The following TLL1 variants were observed in gnomAD, a reference collection of about 807,000 sequenced individuals.
TLL1 encodes tolloid-like protein 1.
In TLL1, 49 loss-of-function variants were observed where a neutral mutation model predicts 128.2. That is an observed-to-expected ratio of 0.38 (90% CI 0.30 to 0.48). The LOEUF is 0.48. TLL1 is among the 20% of genes least tolerant of loss of function. The pLI, the probability that TLL1 is intolerant of heterozygous loss-of-function variation, is 0.96. For synonymous variants in TLL1, 454 were observed against 418.8 expected (o/e 1.08, Z -1.03); for missense variants, 1,123 against 1,242.0 (o/e 0.90, Z 1.44).
In TLL1 at chr4:165,928,594, A is replaced by G. The variant is rs1701565607; in HGVS notation, c.169+54521A>G. Among the ~76,000 whole-genome samples, 3 of 152,250 alleles carry G rather than the reference A, an allele frequency of 2.0e-5. No homozygotes were observed. The South Asian group carries it at 6.2e-4, about 32-fold the overall frequency. On this transcript the variant is annotated intron_variant, in intron 1 of 20. Transcript: ENST00000061240. ...ATGTTGAAAGCTTCTGTCTGTCTCG[A>G]ACATGCAGATCACTGAATAAAAATA...
At chr4:165,930,177 C>T (rs1412516162) in intron 1 of TLL1, among the ~76,000 whole-genome samples, 1 of 152,092 alleles carries the variant, frequency 6.6e-6, no homozygotes, top group Non-Finnish European at 1.5e-5. Context: ...GGTGCATTCT[C>T]CCAGAAATCA....
At chr4:165,902,478 C>G (rs1196421611) in intron 1 of TLL1, among the ~76,000 whole-genome samples, 3 of 152,140 alleles carry the variant, frequency 2.0e-5, no homozygotes, top group African/African-American at 7.2e-5. Flanking sequence ...GTATTTGAGC[C>G]AGAATGCACC....
intron 9 of TLL1, chr4:166,030,491 C>G: frequency 1.6e-6 from 1 of 616,992 alleles, no homozygotes; most frequent in South Asian, 1.9e-5. Flanking sequence ...TTCTGATGAA[C>G]ACAAATTATA....
chr4:166,017,401 C>T (rs1007059763), intron 8 of TLL1, among the ~76,000 whole-genome samples: 1 of 152,000 alleles, frequency 6.6e-6, no homozygotes, highest in East Asian at 1.9e-4. Flanking sequence ...GTGAACATAC[C>T]AGTGCATGTG....
intron 1 of TLL1, among the ~76,000 whole-genome samples, chr4:165,971,988 C>A (rs954495301): frequency 6.6e-6 from 1 of 152,096 alleles, no homozygotes; most frequent in African/African-American, 2.4e-5. Flanking sequence ...GTGTAGCCTA[C>A]GTATAAGTAG....
chr4:165,919,052 G>C (rs984868060), intron 1 of TLL1, among the ~76,000 whole-genome samples: 2 of 152,104 alleles, frequency 1.3e-5, no homozygotes, highest in Non-Finnish European at 2.9e-5. Flanking sequence ...TAATAGAATA[G>C]TTTTAGTTTC....
At chr4:165,935,217 C>G (rs1733707690) in intron 1 of TLL1, among the ~76,000 whole-genome samples, 1 of 152,162 alleles carries the variant, frequency 6.6e-6, no homozygotes, top group Non-Finnish European at 1.5e-5. Context: ...GATCAGCATC[C>G]ATGTCTTTTC....
At chr4:165,960,377 C>G (rs1054716581) in intron 1 of TLL1, among the ~76,000 whole-genome samples, 6 of 152,184 alleles carry the variant, frequency 3.9e-5, no homozygotes, top group South Asian at 2.1e-4. Context: ...CAGCCAAATT[C>G]TACCAGATGT....
intron 12 of TLL1, among the ~76,000 whole-genome samples, chr4:166,049,061 T>C (rs1739592631): frequency 6.6e-6 from 1 of 152,218 alleles, no homozygotes; most frequent in Non-Finnish European, 1.5e-5. Flanking sequence ...TTTAATTAGT[T>C]AAGGATTTTC....
chr4:165,922,844 C>T (rs1733094600), intron 1 of TLL1, among the ~76,000 whole-genome samples: 1 of 152,140 alleles, frequency 6.6e-6, no homozygotes. Context: ...AGAGCCTAAT[C>T]TTACTGAGGG....
At chr4:165,898,025 C>T (rs1180761255) in intron 1 of TLL1, among the ~76,000 whole-genome samples, 4 of 151,822 alleles carry the variant, frequency 2.6e-5, no homozygotes, top group Non-Finnish European at 5.9e-5. Context: ...ATTTGGCTCT[C>T]TGTTTGTCTG....
Position 166,077,928 on chromosome 4 carries a change from T to G in TLL1, c.2340T>G (p.Ser780Arg). The change falls in exon 18 of 21, where the codon AGT (serine) becomes AGG (arginine). Residue 780 changes from serine to arginine, a missense_variant. Ser to Arg is a moderately radical substitution (Grantham distance 110). Transcript: ENST00000061240. ...CTGAGTGTGAACAGAAGATCCACAGTCCAAGTGGCCTCATCACCAGTCCCA... is the reference window on the plus strand; with the variant it reads ...CTGAGTGTGAACAGAAGATCCACAGGCCAAGTGGCCTCATCACCAGTCCCA... ...KEAECEQKIH[S>R]PSGLITSPNW... 1 of 1,613,554 alleles carries G rather than the reference T, an allele frequency of 6.2e-7. No individual in the cohort carries two copies. Among genetic ancestry groups the G allele is most frequent in the Non-Finnish European group, 8.5e-7 (1 of 1,179,710 alleles).
intron 1 of TLL1, among the ~76,000 whole-genome samples, chr4:165,962,922 G>T (rs757652983): frequency 4.0e-5 from 6 of 151,176 alleles, no homozygotes; most frequent in African/African-American, 1.5e-4. Context: ...AGGCATGGTG[G>T]CACGTGCCTG....
At chr4:165,967,793 A>C (rs1374095989) in intron 1 of TLL1, among the ~76,000 whole-genome samples, 4 of 152,204 alleles carry the variant, frequency 2.6e-5, no homozygotes, top group Non-Finnish European at 4.4e-5. Flanking sequence ...ATTCACACTG[A>C]ATATTGGATA....
intron 7 of TLL1, among the ~76,000 whole-genome samples, chr4:166,010,104 C>T (rs75985705): frequency 0.12 from 18,643 of 151,292 alleles, 1,151 homozygotes; most frequent in Non-Finnish European, 0.13. Flanking sequence ...TTATTTCACT[C>T]AGCATTATTT....
At position 165,989,615 on chromosome 4, in the gene TLL1, T is replaced by C. The variant is rs556789144; in HGVS notation, c.280+124T>C. 4.3e-5 allele frequency: 29 copies of C among 677,412 alleles called. No individual in the cohort carries two copies. In the African/African-American group the frequency reaches 4.8e-4, roughly 11 times the overall value. 42.0% of individuals were successfully genotyped at this position (677,412 alleles called of 1,614,324 possible). ...TCAACTCTGACTTCCTATACACAAA[T>C]ATACATATTTAGAAATGCAGGTTTT... On this transcript the variant is annotated intron_variant, in intron 2 of 20. Transcript: ENST00000061240.
rs539465462 is a variant in TLL1 at position 166,027,487 on chromosome 4, G to A, written c.1158+2056G>A. ...TGGAAACTCTAAATGAAATACTCAT[G>A]TAACATAAATAATTTTTAGGTGCAA... On this transcript the variant is annotated intron_variant, in intron 9 of 20. Coordinates refer to ENST00000061240, the MANE Select transcript of TLL1 (RefSeq NM_012464.5). Among the ~76,000 whole-genome samples the A allele has an allele frequency of 4.6e-5, 7 of 152,254 alleles. No individual in the cohort carries two copies. In the South Asian group the frequency reaches 1.2e-3, roughly 27 times the overall value.
chr4:166,092,883 T>A (rs1741839133), intron 19 of TLL1, among the ~76,000 whole-genome samples: 2 of 152,158 alleles, frequency 1.3e-5, no homozygotes, highest in South Asian at 4.1e-4. Flanking sequence ...TTTGAAAAGA[T>A]CATTTCTTCA....
intron 1 of TLL1, among the ~76,000 whole-genome samples, chr4:165,886,369 A>G (rs1205971491): frequency 1.3e-5 from 2 of 152,220 alleles, no homozygotes; most frequent in Admixed American, 6.5e-5. Context: ...TGCACTGTAC[A>G]GATTTAAATT....
Sources: allele counts gnomAD v4.1 joint callset (sites outside exome capture counted in the v4.1 genomes callset), GRCh38; gene constraint gnomAD v4.1.1; transcripts MANE v1.5; gene names NCBI Gene and HGNC (gene_info 2026-07-23, HGNC 2026-07-21).